ONECUT2: variants seen among roughly 807,000 people sequenced by gnomAD.
ONECUT2 encodes the protein one cut homeobox 2.
ONECUT2 carries 10 observed loss-of-function variants against 27.9 expected under a neutral mutation model. That is an observed-to-expected ratio of 0.36 (90% CI 0.22 to 0.61). The LOEUF is 0.61. Ranked by LOEUF, ONECUT2 falls within the 20% of genes least tolerant of loss-of-function variation. ONECUT2 has a pLI of 0.73. For synonymous variants in ONECUT2, 334 were observed against 315.1 expected (o/e 1.06, Z -0.64); for missense variants, 686 against 721.0 (o/e 0.95, Z 0.56).
intron 1 of ONECUT2, among the ~76,000 whole-genome samples, chr18:57,441,465 C>T (rs73441018): frequency 1.2e-3 from 188 of 152,340 alleles, no homozygotes; most frequent in African/African-American, 4.5e-3. Flanking sequence ...CTTACTTCCC[C>T]GAGGTTTTCT....
chr18:57,447,637 T>A (rs1222508598), intron 1 of ONECUT2, among the ~76,000 whole-genome samples: 1 of 152,084 alleles, frequency 6.6e-6, no homozygotes, highest in Non-Finnish European at 1.5e-5. Flanking sequence ...ACGGGATGTT[T>A]TAGATTTAGG....
chr18:57,444,705 A>T (rs1327106105), intron 1 of ONECUT2, among the ~76,000 whole-genome samples: 1 of 152,250 alleles, frequency 6.6e-6, no homozygotes, highest in Non-Finnish European at 1.5e-5. Context: ...GGGCCAGGGA[A>T]ACCTTTCATA....
intron 1 of ONECUT2, 61 bp from the exon 2 acceptor site, chr18:57,476,376 C>T (rs553553618): frequency 1.3e-6 from 2 of 1,541,626 alleles, no homozygotes; most frequent in Admixed American, 1.9e-5. Context: ...TCAATGTTTT[C>T]CATGGATCAC....
chr18:57,467,250 G>T (rs1040336327), intron 1 of ONECUT2: 1 of 451,206 alleles, frequency 2.2e-6, no homozygotes, highest in South Asian at 1.6e-5. Flanking sequence ...TTGCTCTAGC[G>T]CTTGTCAAGA....
chr18:57,483,498 G>A lies in ONECUT2; in HGVS notation c.*6775G>A, dbSNP rs2050425599. 1 of 152,392 alleles carries A rather than the reference G, an allele frequency of 6.6e-6. No homozygotes were observed. Among genetic ancestry groups the A allele is most frequent in the Admixed American group, 6.6e-5 (1 of 15,262 alleles). The allele number at this position is 152,392 out of a possible 1,614,324, so 9.4% of individuals were successfully genotyped here. A position where few individuals can be genotyped will look rare whatever the true frequency, so the allele number is the denominator to read the frequency against. ...TAATGTAATTAACTTATTTAAATTA[G>A]TTCCTAGTACATAAATGTATAGGAT... On this transcript the variant is annotated 3_prime_UTR_variant, in exon 2 of 2. Coordinates refer to ENST00000491143, the MANE Select transcript of ONECUT2 (RefSeq NM_004852.3).
chr18:57,486,139 T>C lies in ONECUT2; in HGVS notation c.*9416T>C, dbSNP rs3745066. On this transcript the variant is annotated 3_prime_UTR_variant, in exon 2 of 2. Transcript: ENST00000491143. ...AGAAAACATCCCCACTTGGCAGACC[T>C]CTCCTCAGCAATCCCCCCAGCCTCA... 8,410 of 152,702 alleles carry C rather than the reference T, an allele frequency of 0.055. 758 individuals are homozygous for C. Among genetic ancestry groups the C allele is most frequent in the East Asian group, 0.37 (1,906 of 5,152 alleles). 9.5% of individuals were successfully genotyped at this position (152,702 alleles called of 1,614,324 possible). A position where few individuals can be genotyped will look rare whatever the true frequency, so the allele number is the denominator to read the frequency against.
In ONECUT2 at chr18:57,436,578, A is replaced by G. The variant is rs2050143979; in HGVS notation, c.862A>G (p.Met288Val). The G allele has an allele frequency of 1.2e-6, 2 of 1,610,730 alleles. No individual in the cohort carries two copies. The highest frequency in any genetic ancestry group is 1.3e-5 in the African/African-American group (1 of 74,922). Residue 288 changes from methionine (M) to valine (V), a missense_variant, in exon 1 of 2, where the codon ATG becomes GTG. Physicochemically the swap from Met to Val is conservative, Grantham distance 21 (BLOSUM62 1). Transcript: ENST00000491143. This position sits in a 1 kb window ranked among gnomAD's most constrained non-coding sequence, Gnocchi z 5.9. ...CGGCCTGGGCACCCCACCTGCGGCC[A>G]TGATGTCGCACCTGAACGGCCTGCA... Reference protein sequence around the residue: ...SRGLGTPPAAMMSHLNGLHHP... With the variant: ...SRGLGTPPAAVMSHLNGLHHP...
rs374431133 is a variant in ONECUT2, at chr18:57,462,230, TC to T, written c.1229-14206del. Among the ~76,000 whole-genome samples, 397 of 152,350 alleles carry T rather than the reference TC, an allele frequency of 2.6e-3. 2 individuals are homozygous for T. Among genetic ancestry groups the T allele is most frequent in the African/African-American group, 9.0e-3 (375 of 41,574 alleles). On this transcript the variant is annotated intron_variant, in intron 1 of 1. Coordinates refer to ENST00000491143, the MANE Select transcript of ONECUT2 (RefSeq NM_004852.3). ...TTCTTCTGTGAAGTGCCTGTTCAAG[TC>T]TCTTGCCTGTTTTTCTATTGGAATG...
chr18:57,437,300 A>G (rs1264547494), intron 1 of ONECUT2, among the ~76,000 whole-genome samples: 1 of 151,654 alleles, frequency 6.6e-6, no homozygotes, highest in Non-Finnish European at 1.5e-5. Flanking sequence ...TTCCTCTAGG[A>G]GCCCTGTCTT....
At chr18:57,476,001 A>T (rs942967415) in intron 1 of ONECUT2, among the ~76,000 whole-genome samples, 1 of 151,948 alleles carries the variant, frequency 6.6e-6, no homozygotes, top group African/African-American at 2.4e-5. Context: ...TTAAGTTTTG[A>T]CTCCAGAAGG....
At position 57,436,602 on chromosome 18, in the gene ONECUT2, C is replaced by T. The variant is rs758253916; in HGVS notation, c.886C>T (p.His296Tyr). The T allele has an allele frequency of 1.2e-6, 2 of 1,610,558 alleles. No homozygotes were observed. The highest frequency in any genetic ancestry group is 2.2e-5 in the East Asian group (1 of 44,874). ...CATGATGTCGCACCTGAACGGCCTG[C>T]ACCACCCGGGCCACACTCAGTCTCA... ...AAMMSHLNGL[H>Y]HPGHTQSHGP... The change falls in exon 1 of 2, where the codon CAC (histidine) becomes TAC (tyrosine). Residue 296 changes from histidine (H) to tyrosine (Y), a missense_variant. Physicochemically the swap from His to Tyr is moderately conservative, Grantham distance 83. Transcript: ENST00000491143. This position sits in a 1 kb window ranked among gnomAD's most constrained non-coding sequence, Gnocchi z 5.9.
chr18:57,446,210 C>T (rs1408471042), intron 1 of ONECUT2, among the ~76,000 whole-genome samples: 1 of 152,216 alleles, frequency 6.6e-6, no homozygotes, highest in Non-Finnish European at 1.5e-5. Context: ...CAAGCAATTG[C>T]ACAACTTGTT....
At chr18:57,443,846 C>T (rs2050188098) in intron 1 of ONECUT2, among the ~76,000 whole-genome samples, 2 of 152,180 alleles carry the variant, frequency 1.3e-5, no homozygotes. Context: ...CAGGGAGGCT[C>T]TGCATTCCAC....
At chr18:57,442,305 A>C (rs2050180124) in intron 1 of ONECUT2, among the ~76,000 whole-genome samples, 1 of 147,270 alleles carries the variant, frequency 6.8e-6, no homozygotes, top group Non-Finnish European at 1.5e-5. Flanking sequence ...GAGCTTTTCC[A>C]ACAGCGGGTA....
At chr18:57,460,473 T>C (rs1446783142) in intron 1 of ONECUT2, among the ~76,000 whole-genome samples, 63 of 152,188 alleles carry the variant, frequency 4.1e-4, no homozygotes, top group Non-Finnish European at 2.9e-5. Context: ...TTAAATTCTG[T>C]GTCAACGTCA....
intron 1 of ONECUT2, among the ~76,000 whole-genome samples, chr18:57,472,564 A>T (rs118008458): frequency 1.3e-5 from 2 of 152,332 alleles, no homozygotes; most frequent in East Asian, 3.9e-4. Context: ...TGCAAGCTAC[A>T]GCTTTGCATT....
At chr18:57,461,339 C>T (rs917206823) in intron 1 of ONECUT2, among the ~76,000 whole-genome samples, 1 of 152,182 alleles carries the variant, frequency 6.6e-6, no homozygotes, top group Non-Finnish European at 1.5e-5. Context: ...TTAATCAATT[C>T]TCCTGTCAAT....
chr18:57,480,280 GAA>G lies in ONECUT2; in HGVS notation c.*3560_*3561del, dbSNP rs1306550089. 6.6e-6 allele frequency: 1 copy of G among 152,178 alleles called. No homozygotes were observed. The highest frequency in any genetic ancestry group is 1.5e-5 in the Non-Finnish European group (1 of 68,046). 9.4% of individuals were successfully genotyped at this position (152,178 alleles called of 1,614,324 possible). On this transcript the variant is annotated 3_prime_UTR_variant, in exon 2 of 2. Coordinates refer to ENST00000491143, the MANE Select transcript of ONECUT2 (RefSeq NM_004852.3). Reference sequence around the variant, plus strand: ...CATGTTTCCTTTGTCAAAGGACTAAGAAAAGAGCATATTTCAGCAGAGGAGTG... The same window carrying G: ...CATGTTTCCTTTGTCAAAGGACTAAGAAGAGCATATTTCAGCAGAGGAGTG...
intron 1 of ONECUT2, among the ~76,000 whole-genome samples, chr18:57,471,220 C>A (rs890284403): frequency 6.6e-6 from 1 of 152,176 alleles, no homozygotes; most frequent in African/African-American, 2.4e-5. Context: ...TTTGTGCTGC[C>A]CATGGGTAGG....
Sources: gnomAD v4.1 joint callset for allele counts (sites outside exome capture counted in the v4.1 genomes callset) on GRCh38, gnomAD v4.1.1 for gene constraint, Gnocchi (gnomAD v3.1) non-coding constraint, MANE v1.5 for transcripts, NCBI Gene and HGNC (gene_info 2026-07-23, HGNC 2026-07-21) for gene names.